ADAMTSL1: variants seen among roughly 807,000 people sequenced by gnomAD.
ADAMTSL1 encodes ADAMTS like 1, also known as ADAMTS-like protein 1.
In ADAMTSL1, 126 loss-of-function variants were observed where a neutral mutation model predicts 201.8. The observed-to-expected ratio is 0.62, with a 90% CI of 0.54 to 0.72. The LOEUF is 0.72. Ranked by LOEUF, ADAMTSL1 falls within the 30% of genes least tolerant of loss-of-function variation. The pLI, the probability that ADAMTSL1 is intolerant of heterozygous loss-of-function variation, is 0.00. For synonymous variants in ADAMTSL1, 1,121 were observed against 903.4 expected (o/e 1.24, Z -4.32); for missense variants, 2,679 against 2,277.8 (o/e 1.18, Z -3.59).
intron 1 of ADAMTSL1, among the ~76,000 whole-genome samples, chr9:17,931,309 CTTAGCAG>C (rs1826775000): frequency 6.6e-6 from 1 of 152,124 alleles, no homozygotes; most frequent in Non-Finnish European, 1.5e-5. Flanking sequence ...AACTCCGTTC[CTTAGCAG>C]AAAGAAAGAA....
intron 27 of ADAMTSL1, 62 bp from the exon 28 acceptor site, chr9:18,906,630 A>T: frequency 7.4e-7 from 1 of 1,348,170 alleles, no homozygotes; most frequent in Non-Finnish European, 1.0e-6. Flanking sequence ...CACTATTTTC[A>T]CATCTGCCCT....
At chr9:18,800,880 C>A (rs1023615229) in intron 20 of ADAMTSL1, among the ~76,000 whole-genome samples, 2 of 152,112 alleles carry the variant, frequency 1.3e-5, no homozygotes, top group Admixed American at 6.5e-5. Context: ...TGTGGCAGAA[C>A]CACTTCTGGC....
Position 18,719,379 on chromosome 9 carries a change from C to T in ADAMTSL1, c.1877-2157C>T, listed in dbSNP as rs116551036. Among the ~76,000 whole-genome samples, 1,270 of 152,092 alleles carry T rather than the reference C, an allele frequency of 8.4e-3. 26 individuals are homozygous for T. The highest frequency in any genetic ancestry group is 0.029 in the African/African-American group (1,185 of 41,468). On this transcript the variant is annotated intron_variant, in intron 14 of 28. Coordinates refer to ENST00000380548, the MANE Select transcript of ADAMTSL1 (RefSeq NM_001040272.6). ...AATTTACTTTTGAGACGGAGTTTTG[C>T]TTTTCTCACCCAGGCTGGAGTACAA...
rs535841864 is a variant in ADAMTSL1 at position 18,784,167 on chromosome 9, T to A, written c.3677+6261T>A. On this transcript the variant is annotated intron_variant, in intron 19 of 28. Transcript: ENST00000380548. The stretch of plus-strand genomic sequence containing the variant: ...TGTCTGGCTAACTCCTGCCCTTCCT[T>A]ACAGGAAGCCTATCCCCAAAGCCAG... 4.6e-5 allele frequency among the ~76,000 whole-genome samples: 7 copies of A among 152,292 alleles called. No homozygotes were observed. The East Asian group carries it at 1.4e-3, about 29-fold the overall frequency.
chr9:17,944,696 G>C (rs1241218471), intron 1 of ADAMTSL1, among the ~76,000 whole-genome samples: 25 of 132,774 alleles, frequency 1.9e-4, no homozygotes, highest in African/African-American at 4.5e-4. Flanking sequence ...ACAAACCTGA[G>C]AAAAACAAGC....
chr9:18,287,438 A>G (rs1389896596), intron 2 of ADAMTSL1, among the ~76,000 whole-genome samples: 5 of 151,844 alleles, frequency 3.3e-5, no homozygotes, highest in South Asian at 2.1e-4. Context: ...ATTTCTACAT[A>G]TATGTATGTG....
At chr9:18,470,846 CTT>C (rs33958209), upstream of ADAMTSL1, among the ~76,000 whole-genome samples, 47,947 of 152,014 alleles carry the variant, frequency 0.32, 9,187 homozygotes, top group East Asian at 0.53. Flanking sequence ...CTCTCTCTCT[CTT>C]GCTTCTGATT....
At chr9:18,497,219 T>C (rs1369884565) in intron 1 of ADAMTSL1, among the ~76,000 whole-genome samples, 1 of 152,218 alleles carries the variant, frequency 6.6e-6, no homozygotes, top group East Asian at 1.9e-4. Context: ...GGGTTTAAAA[T>C]ATCCCTATAG....
intron 20 of ADAMTSL1, among the ~76,000 whole-genome samples, chr9:18,811,199 A>G (rs1422069175): frequency 2.0e-5 from 3 of 152,058 alleles, no homozygotes; most frequent in African/African-American, 7.2e-5. Context: ...CAGGGAGCCT[A>G]GATTCCCCAC....
chr9:18,250,622 C>G (rs931142995), intron 2 of ADAMTSL1, among the ~76,000 whole-genome samples: 1 of 151,842 alleles, frequency 6.6e-6, no homozygotes, highest in Non-Finnish European at 1.5e-5. Context: ...TCTCGGTGAC[C>G]TGGGAACACC....
intron 2 of ADAMTSL1, among the ~76,000 whole-genome samples, chr9:18,287,679 ACATAAATATAT>A (rs1404133417): frequency 3.3e-5 from 5 of 151,364 alleles, no homozygotes; most frequent in African/African-American, 1.2e-4. Flanking sequence ...GTGTATACAT[ACATAAATATAT>A]TACATATATG....
intron 1 of ADAMTSL1, among the ~76,000 whole-genome samples, chr9:18,091,238 A>T (rs985944306): frequency 1.8e-4 from 27 of 152,208 alleles, no homozygotes; most frequent in African/African-American, 4.6e-4. Context: ...CATAAAGTTT[A>T]TATGGTGTCT....
intron 2 of ADAMTSL1, among the ~76,000 whole-genome samples, chr9:18,287,404 C>T (rs1833034605): frequency 1.3e-5 from 2 of 151,442 alleles, no homozygotes; most frequent in East Asian, 1.9e-4. Context: ...TATGCACATA[C>T]ACATATATTT....
At chr9:18,043,882 C>T (rs979393925) in intron 1 of ADAMTSL1, among the ~76,000 whole-genome samples, 2 of 151,268 alleles carry the variant, frequency 1.3e-5, no homozygotes, top group African/African-American at 4.9e-5. Context: ...ATTTAGTAAC[C>T]TGATGACTAT....
intron 1 of ADAMTSL1, among the ~76,000 whole-genome samples, chr9:17,922,228 G>A (rs1467977818): frequency 6.6e-6 from 1 of 151,860 alleles, no homozygotes; most frequent in Non-Finnish European, 1.5e-5. Flanking sequence ...TGCATTTTGG[G>A]GGCAGTGGGG....
intron 2 of ADAMTSL1, among the ~76,000 whole-genome samples, chr9:18,335,994 G>A (rs1835220538): frequency 6.6e-6 from 1 of 152,066 alleles, no homozygotes; most frequent in Admixed American, 6.6e-5. Flanking sequence ...TATGGGAGTG[G>A]CATTGAATCA....
intron 2 of ADAMTSL1, among the ~76,000 whole-genome samples, chr9:18,202,979 A>G (rs889999795): frequency 2.0e-5 from 3 of 151,812 alleles, no homozygotes; most frequent in African/African-American, 7.3e-5. Flanking sequence ...ATTAGCCACA[A>G]ACTCAATTCT....
At chr9:18,009,038 T>G (rs1819946321) in intron 1 of ADAMTSL1, among the ~76,000 whole-genome samples, 1 of 151,842 alleles carries the variant, frequency 6.6e-6, no homozygotes, top group Non-Finnish European at 1.5e-5. Flanking sequence ...CTGGTTACTC[T>G]CCCCTGCAGA....
intron 2 of ADAMTSL1, among the ~76,000 whole-genome samples, chr9:18,278,577 C>G (rs1587454442): frequency 6.6e-6 from 1 of 152,136 alleles, no homozygotes; most frequent in East Asian, 1.9e-4. Context: ...TGCTACTTTC[C>G]AAATTCTCTC....
Sources: allele counts gnomAD v4.1 joint callset (sites outside exome capture counted in the v4.1 genomes callset), GRCh38; gene constraint gnomAD v4.1.1; transcripts MANE v1.5; gene names NCBI Gene and HGNC (gene_info 2026-07-23, HGNC 2026-07-21).